The following ARHGEF1 variants were observed in gnomAD, a reference collection of about 807,000 sequenced individuals.
The protein encoded by ARHGEF1 is 115 kDa guanine nucleotide exchange factor.
A neutral mutation model predicts 119.7 loss-of-function variants in ARHGEF1; 40 were observed. That is an observed-to-expected ratio of 0.33 (90% confidence interval 0.26 to 0.44). ARHGEF1 has a LOEUF of 0.44. ARHGEF1 is among the 20% of genes least tolerant of loss of function. The pLI is 1.00. For missense variants in ARHGEF1, 976 were observed against 1,268.3 expected, an observed-to-expected ratio of 0.77 and a Z score of 3.50; for synonymous variants, 494 against 521.0, an observed-to-expected ratio of 0.95 and a Z score of 0.71.
chr19:41,911,008 C>G (rs1314660155), downstream of ARHGEF1, among the ~76,000 whole-genome samples: 2 of 152,240 alleles, frequency 1.3e-5, no homozygotes, highest in East Asian at 1.9e-4. Context: ...ACCCCAAATG[C>G]CCAAAGAACA....
Position 41,892,424 on chromosome 19 carries a change from C to G in ARHGEF1, c.367+51C>G. On this transcript the variant is annotated intron_variant, in intron 6 of 28. Transcript: ENST00000354532. The surrounding 1 kb of genome is among the most constrained non-coding windows in gnomAD (Gnocchi z 6.3). ...GAGGTGTCTAGCGGGGACCACACCT[C>G]CCAGGAGGCCAAGGGGAGGGAGGCC... 1 of 1,612,030 alleles carries G rather than the reference C, an allele frequency of 6.2e-7. No individual in the cohort carries two copies. Among genetic ancestry groups the G allele is most frequent in the Non-Finnish European group, 8.5e-7 (1 of 1,178,516 alleles).
chr19:41,905,872 C>T lies in ARHGEF1; in HGVS notation c.2404+45C>T, dbSNP rs200134229. On this transcript the variant is annotated intron_variant, in intron 25 of 28. Coordinates refer to ENST00000354532, the MANE Select transcript of ARHGEF1 (RefSeq NM_004706.4). The surrounding 1 kb of genome is among the most constrained non-coding windows in gnomAD (Gnocchi z 6.4). The stretch of plus-strand genomic sequence containing the variant: ...GGGTGAGGGGCCAGGTTGGGGCTGC[C>T]GGGTGAAGAGAGGCATCCACAGGAG... 515 of 1,613,642 alleles carry T rather than the reference C, an allele frequency of 3.2e-4. No homozygotes were observed. Among genetic ancestry groups the T allele is most frequent in the Non-Finnish European group, 4.0e-4 (468 of 1,179,610 alleles).
At chr19:41,909,105 T>C (rs1029291680), downstream of ARHGEF1, 4 of 1,231,806 alleles carry the variant, frequency 3.2e-6, no homozygotes, top group South Asian at 4.1e-5. The surrounding 1 kb of genome is among the most constrained non-coding windows in gnomAD (Gnocchi z 5.2). Flanking sequence ...AATTTATCTG[T>C]CTCGGAGGTG....
rs187813730 is a variant in ARHGEF1 at position 41,901,174 on chromosome 19, G to A, written c.1268-713G>A. ...TTGTTTTGTTTTGTTTTTTTGAGAC[G>A]GAGTCTCGTTCTGTCACCAGGCTGG... On this transcript the variant is annotated intron_variant, in intron 14 of 28. Coordinates refer to ENST00000354532, the MANE Select transcript of ARHGEF1 (RefSeq NM_004706.4). Among the ~76,000 whole-genome samples the A allele has an allele frequency of 2.7e-5, 4 of 150,586 alleles. No individual in the cohort carries two copies. In the East Asian group the frequency reaches 5.9e-4, roughly 22 times the overall value.
chr19:41,901,582 C>T (rs566345400), intron 14 of ARHGEF1, among the ~76,000 whole-genome samples: 5 of 152,332 alleles, frequency 3.3e-5, no homozygotes, highest in African/African-American at 1.2e-4. Context: ...GCTGGGACTA[C>T]AGGCACACAC....
chr19:41,914,560 A>C lies in ARHGEF1; in HGVS notation c.1865+7757A>C, dbSNP rs1599674024. On this transcript the variant is annotated intron_variant, in intron 18 of 20. Coordinates refer to the ARHGEF1 transcript ENST00000599589. The stretch of plus-strand genomic sequence containing the variant: ...GCTATCCGTCTTTCCCTCCCCTTCC[A>C]CCATCTCTGTCTCCGTCTCTCCCTC... 8.7e-4 allele frequency among the ~76,000 whole-genome samples: 57 copies of C among 65,416 alleles called. 1 individual carries two copies. The highest frequency in any genetic ancestry group is 1.3e-3 in the Admixed American group (8 of 6,126). 42.9% of individuals were successfully genotyped at this position (65,416 alleles called of 152,430 possible).
At position 41,905,683 on chromosome 19, in the gene ARHGEF1, T is replaced by G. The variant is rs782780283; in HGVS notation, c.2337-77T>G. 1.2e-4 allele frequency: 178 copies of G among 1,508,348 alleles called. No homozygotes were observed. The highest frequency in any genetic ancestry group is 1.6e-4 in the Non-Finnish European group (170 of 1,094,338). 93.4% of individuals were successfully genotyped at this position (1,508,348 alleles called of 1,614,324 possible). ...CTCCGGACCTCCCTGCCTCCCCACC[T>G]CCAGCTCTCTGTCTCCCTGCCCCTG... is the stretch of plus-strand genomic sequence containing the variant. On this transcript the variant is annotated intron_variant, in intron 24 of 28. Coordinates refer to ENST00000354532, the MANE Select transcript of ARHGEF1 (RefSeq NM_004706.4). The surrounding 1 kb of genome is among the most constrained non-coding windows in gnomAD (Gnocchi z 6.4).
chr19:41,895,078 C>A (rs1467494655), intron 11 of ARHGEF1, among the ~76,000 whole-genome samples: 1 of 145,676 alleles, frequency 6.9e-6, no homozygotes, highest in Non-Finnish European at 1.5e-5. Flanking sequence ...GCCTAGACCC[C>A]TGGGTCTGAG....
At chr19:41,909,583 G>A, downstream of ARHGEF1, 1 of 935,602 alleles carries the variant, frequency 1.1e-6, no homozygotes, top group East Asian at 3.0e-5. The surrounding 1 kb of genome is among the most constrained non-coding windows in gnomAD (Gnocchi z 5.2). Context: ...ACTAGAACTT[G>A]GGGAAACTGA....
chr19:41,914,049 C>T (rs1270867613), intron 18 of ARHGEF1, among the ~76,000 whole-genome samples: 1 of 139,604 alleles, frequency 7.2e-6, no homozygotes, highest in African/African-American at 2.8e-5. Flanking sequence ...CCCTGGCAGC[C>T]CACACTGTGT....
Position 41,903,034 on chromosome 19 carries a change from C to T in ARHGEF1, c.1738+136C>T. On this transcript the variant is annotated intron_variant, in intron 18 of 28. Transcript: ENST00000354532. This position sits in a 1 kb window ranked among gnomAD's most constrained non-coding sequence, Gnocchi z 4.2. ...CCCAGGATCTACCATCCTCCCACCT[C>T]AGCTCCCCAAGTAGCTGGGACCCCA... The T allele has an allele frequency of 1.3e-6, 1 of 776,792 alleles. No homozygotes were observed. The highest frequency in any genetic ancestry group is 2.9e-5 in the Admixed American group (1 of 34,144). 48.1% of individuals were successfully genotyped at this position (776,792 alleles called of 1,614,324 possible).
chr19:41,897,977 C>A, intron 13 of ARHGEF1: 1 of 1,324,896 alleles, frequency 7.5e-7, no homozygotes, highest in Non-Finnish European at 9.6e-7. Context: ...CTCAGAGAGC[C>A]TGCGGGTGAG....
chr19:41,913,747 C>T (rs1555851496), intron 18 of ARHGEF1, among the ~76,000 whole-genome samples: 2 of 150,436 alleles, frequency 1.3e-5, no homozygotes, highest in Non-Finnish European at 3.0e-5. Context: ...GATACTCCAT[C>T]CCCTCCTCAC....
chr19:41,907,029 T>C (rs1381940162), intron 28 of ARHGEF1, 76 bp from the exon 29 acceptor site: 8 of 1,346,936 alleles, frequency 5.9e-6, no homozygotes, highest in Non-Finnish European at 7.9e-6. Flanking sequence ...GCTCTCCCTG[T>C]CTTGTCTCTG....
chr19:41,923,492 G>T (rs946992712), intron 1 of ARHGEF1, among the ~76,000 whole-genome samples: 6 of 150,360 alleles, frequency 4.0e-5, no homozygotes, highest in South Asian at 2.1e-4. Context: ...TGAGACAGAG[G>T]AGTCGAGAGG....
chr19:41,895,299 T>A, intron 11 of ARHGEF1, 50 bp from the exon 12 acceptor site: 1 of 1,560,710 alleles, frequency 6.4e-7, no homozygotes, highest in South Asian at 1.2e-5. Context: ...GGTTGTGGAT[T>A]TGAGTTACTG....
rs1555849641 is a variant in ARHGEF1, at chr19:41,904,213, T to C, written c.1994-3T>C. ...CGCCGTGTGAGCACTGCTCGCCCCG[T>C]AGAGGTGCATGTGCTGCTGCTGGAC... On this transcript the variant is annotated splice_region_variant and splice_polypyrimidine_tract_variant and intron_variant, in intron 21 of 28. Transcript: ENST00000354532. The surrounding 1 kb of genome is among the most constrained non-coding windows in gnomAD (Gnocchi z 8.4). 1.9e-6 allele frequency: 3 copies of C among 1,613,346 alleles called. No homozygotes were observed. The Admixed American group carries it at 5.0e-5, about 27-fold the overall frequency.
At chr19:41,929,946 A>C (rs1230313065) in exon 3 of ARHGEF1, 1 of 152,202 alleles carries the variant, frequency 6.6e-6, no homozygotes, top group Non-Finnish European at 1.5e-5. Context: ...CAAGTCGCTA[A>C]ACATCCCCGA....
chr19:41,925,097 T>C (rs1555853118), intron 1 of ARHGEF1, among the ~76,000 whole-genome samples: 1 of 151,884 alleles, frequency 6.6e-6, no homozygotes, highest in Admixed American at 6.6e-5. Flanking sequence ...TTTCAGGAGG[T>C]GACCCCTAGA....
Sources: allele counts gnomAD v4.1 joint callset (sites outside exome capture counted in the v4.1 genomes callset), GRCh38; gene constraint gnomAD v4.1.1; non-coding constraint Gnocchi (gnomAD v3.1); transcripts MANE v1.5; gene names NCBI Gene and HGNC (gene_info 2026-07-23, HGNC 2026-07-21).